Variants in NEDD4 observed in about 807,000 individuals in gnomAD.
NEDD4 encodes NEDD4 E3 ubiquitin protein ligase.
A neutral mutation model predicts 144.9 loss-of-function variants in NEDD4; 99 were observed. The observed-to-expected ratio is 0.68, with a 90% CI of 0.58 to 0.81. NEDD4 has a LOEUF of 0.81. Ranked by LOEUF, NEDD4 falls within the 30% of genes least tolerant of loss-of-function variation. The probability of loss-of-function intolerance (pLI) is 0.00; values close to 1 mark genes in which losing one functional copy is unlikely to be tolerated. For missense variants in NEDD4, 985 were observed against 1,065.9 expected (o/e 0.92, Z 1.06); for synonymous variants, 318 against 350.6 (o/e 0.91, Z 1.04).
intron 18 of NEDD4, among the ~76,000 whole-genome samples, chr15:55,843,967 A>T (rs1218691202): frequency 6.6e-6 from 1 of 152,174 alleles, no homozygotes. Flanking sequence ...AGTGTAAATG[A>T]TGCTAATTCT....
chr15:55,919,435 C>A (rs1431438799), intron 5 of NEDD4, among the ~76,000 whole-genome samples: 2 of 152,176 alleles, frequency 1.3e-5, no homozygotes, highest in African/African-American at 4.8e-5. Context: ...GAATCACATG[C>A]ACTTCCTAGC....
At position 55,878,045 on chromosome 15, in the gene NEDD4, T is replaced by G. The variant is rs139684677; in HGVS notation, c.292-4037A>C. On this transcript the variant is annotated intron_variant, in intron 5 of 28. Coordinates refer to ENST00000435532, the MANE Select transcript of NEDD4 (RefSeq NM_006154.4). ...ACTTGTCCAGAGAACCCTGATAAAT[T>G]TTACTGGAGAATCATATTTAGATAT... is the stretch of plus-strand genomic sequence containing the variant. Among the ~76,000 whole-genome samples, 944 of 152,216 alleles carry G rather than the reference T, an allele frequency of 6.2e-3. 7 individuals are homozygous for G. Among genetic ancestry groups the G allele is most frequent in the African/African-American group, 0.022 (907 of 41,504 alleles).
intron 27 of NEDD4, among the ~76,000 whole-genome samples, chr15:55,830,922 G>T (rs2032918971): frequency 1.3e-5 from 2 of 152,194 alleles, no homozygotes; most frequent in East Asian, 1.9e-4. Context: ...GCCCAGGCTG[G>T]TCTTGAACTC....
intron 1 of NEDD4, among the ~76,000 whole-genome samples, chr15:55,981,141 C>G (rs1459721706): frequency 6.6e-6 from 1 of 151,412 alleles, no homozygotes; most frequent in Non-Finnish European, 1.5e-5. Flanking sequence ...CTCCCAGGTT[C>G]AAGCAATTCT....
intron 4 of NEDD4, among the ~76,000 whole-genome samples, chr15:55,925,590 G>A (rs2036647204): frequency 6.6e-6 from 1 of 152,148 alleles, no homozygotes; most frequent in East Asian, 1.9e-4. Context: ...TTGTGGGAAT[G>A]TTTCGATATC....
At position 55,829,584 on chromosome 15, in the gene NEDD4, A is replaced by AAATTCACT. The variant is rs2032846427; in HGVS notation, c.*305_*312dup. 1 of 195,854 alleles carries AAATTCACT rather than the reference A, an allele frequency of 5.1e-6. No individual in the cohort carries two copies. 12.1% of individuals were successfully genotyped at this position (195,854 alleles called of 1,614,324 possible). A position where few individuals can be genotyped will look rare whatever the true frequency, so the allele number is the denominator to read the frequency against. On this transcript the variant is annotated 3_prime_UTR_variant, in exon 29 of 29. Coordinates refer to ENST00000435532, the MANE Select transcript of NEDD4 (RefSeq NM_006154.4). The stretch of plus-strand genomic sequence containing the variant: ...ATACAAGAGGTAAATGTTAAGGACA[A>AAATTCACT]AATTCACTATTTAAGTCATACAGGA...
intron 25 of NEDD4, 24 bp from the exon 26 acceptor site, chr15:55,834,169 A>G: frequency 6.2e-7 from 1 of 1,609,490 alleles, no homozygotes; most frequent in African/African-American, 1.3e-5. Context: ...GTCAAATTAT[A>G]AACAAGGAAA....
At chr15:55,836,780 G>A (rs1249292628) in intron 24 of NEDD4, among the ~76,000 whole-genome samples, 3 of 151,974 alleles carry the variant, frequency 2.0e-5, no homozygotes, top group Non-Finnish European at 2.9e-5. Flanking sequence ...TGCCCACCTC[G>A]GACTCCCAAA....
chr15:55,915,870 G>A, intron 5 of NEDD4: 2 of 1,613,954 alleles, frequency 1.2e-6, no homozygotes, highest in Non-Finnish European at 1.7e-6. Context: ...ATTGACAGCT[G>A]TTGAAAGAAA....
chr15:55,914,971 T>C (rs1191306814), intron 5 of NEDD4, among the ~76,000 whole-genome samples: 3 of 152,084 alleles, frequency 2.0e-5, no homozygotes, highest in Non-Finnish European at 4.4e-5. Context: ...TAAAATGTTA[T>C]GAAATAGACT....
chr15:55,962,234 G>C (rs976234721), intron 2 of NEDD4, among the ~76,000 whole-genome samples: 13 of 151,934 alleles, frequency 8.6e-5, no homozygotes, highest in African/African-American at 3.1e-4. Context: ...ATATCTTTTT[G>C]CGTCCGCTTT....
chr15:55,866,218 T>C (rs2034582276), intron 8 of NEDD4, among the ~76,000 whole-genome samples: 2 of 149,878 alleles, frequency 1.3e-5, no homozygotes, highest in South Asian at 4.2e-4. Context: ...CCAACCTTTC[T>C]TCTTTTTTTT....
At chr15:55,933,471 T>A (rs920188351) in intron 4 of NEDD4, among the ~76,000 whole-genome samples, 6 of 139,124 alleles carry the variant, frequency 4.3e-5, no homozygotes, top group Admixed American at 4.1e-4. Context: ...CAGGTGGGAA[T>A]TGAATAATGA....
intron 24 of NEDD4, among the ~76,000 whole-genome samples, chr15:55,837,392 T>G (rs1300654747): frequency 6.7e-6 from 1 of 148,814 alleles, no homozygotes; most frequent in East Asian, 2.0e-4. Context: ...ATCACGCCAC[T>G]GCATTCCAGC....
intron 4 of NEDD4, among the ~76,000 whole-genome samples, chr15:55,932,046 G>T (rs1322460594): frequency 4.6e-5 from 7 of 152,108 alleles, no homozygotes; most frequent in Non-Finnish European, 8.8e-5. Context: ...GTTTGACTGT[G>T]TCCCCACCCA....
At chr15:55,989,480 CTGAG>C (rs1273730266) in intron 1 of NEDD4, among the ~76,000 whole-genome samples, 2 of 152,178 alleles carry the variant, frequency 1.3e-5, no homozygotes, top group African/African-American at 2.4e-5. Flanking sequence ...TGTTCCCAGA[CTGAG>C]TAAGGGTCAG....
chr15:55,950,662 C>T (rs775886401), intron 4 of NEDD4, among the ~76,000 whole-genome samples: 75 of 151,968 alleles, frequency 4.9e-4, no homozygotes, highest in Non-Finnish European at 9.6e-4. Flanking sequence ...ACGAGCGTCC[C>T]GGAGAAGCAG....
intron 4 of NEDD4, among the ~76,000 whole-genome samples, chr15:55,929,032 A>G (rs2036730026): frequency 6.6e-6 from 1 of 152,218 alleles, no homozygotes; most frequent in African/African-American, 2.4e-5. Flanking sequence ...AGCAAAGAAG[A>G]TGAGAGGGCC....
intron 4 of NEDD4, 116 bp from the exon 5 acceptor site, chr15:55,924,815 C>A: frequency 9.9e-7 from 1 of 1,010,896 alleles, no homozygotes; most frequent in Non-Finnish European, 1.5e-6. Context: ...TGCCTGTAAT[C>A]CCAGCACTTT....
Sources: allele counts gnomAD v4.1 joint callset (sites outside exome capture counted in the v4.1 genomes callset), GRCh38; gene constraint gnomAD v4.1.1; transcripts MANE v1.5; gene names NCBI Gene and HGNC (gene_info 2026-07-23, HGNC 2026-07-21).